TGFBR1: variants seen among roughly 807,000 people sequenced by gnomAD.
The protein encoded by TGFBR1 is transforming growth factor beta receptor 1, also known as TGF-beta receptor type-1.
Under a neutral mutation model 55.1 loss-of-function variants are expected in TGFBR1, and 20 were observed. The observed-to-expected ratio is 0.36, with a 90% CI of 0.26 to 0.53. The LOEUF (loss-of-function observed/expected upper bound fraction) is 0.53, where lower values mean the gene tolerates loss of function less well. Ranked by LOEUF, TGFBR1 falls within the 20% of genes least tolerant of loss-of-function variation. The pLI is 0.91. For missense variants in TGFBR1, 385 were observed against 617.6 expected (o/e 0.62, Z 3.99); for synonymous variants, 220 against 214.8 (o/e 1.02, Z -0.21).
chr9:99,137,719 T>C lies in TGFBR1; in HGVS notation c.575-140T>C. ...TTAATTAGTTATTTTATTGCAAATA[T>C]AATATCTCCCCAGTGAGATAAATTC... On this transcript the variant is annotated intron_variant, in intron 3 of 8. Transcript: ENST00000374994. 5 of 656,532 alleles carry C rather than the reference T, an allele frequency of 7.6e-6. No individual in the cohort carries two copies. The East Asian group carries it at 8.3e-5, about 11-fold the overall frequency. The allele number at this position is 656,532 out of a possible 1,614,324, so 40.7% of individuals were successfully genotyped here.
intron 6 of TGFBR1, among the ~76,000 whole-genome samples, chr9:99,145,411 C>G (rs1242156680): frequency 6.6e-6 from 1 of 152,188 alleles, no homozygotes; most frequent in Non-Finnish European, 1.5e-5. Flanking sequence ...CTGCCAGGGA[C>G]TGTCATAGCA....
rs141999292 is a variant in TGFBR1, at chr9:99,145,135, A to G, written c.1130+247A>G. On this transcript the variant is annotated intron_variant, in intron 6 of 8. Transcript: ENST00000374994. Reference sequence around the variant, plus strand: ...GCATGTTAATTATAATAACAGTAGTAACTAACGTTTATAGGGCACCTACTA... The same window carrying G: ...GCATGTTAATTATAATAACAGTAGTGACTAACGTTTATAGGGCACCTACTA... Among the ~76,000 whole-genome samples the G allele has an allele frequency of 4.5e-4, 69 of 152,350 alleles. No homozygotes were observed. The East Asian group carries it at 0.011, about 24-fold the overall frequency.
At chr9:99,121,409 A>T (rs944116259) in intron 1 of TGFBR1, among the ~76,000 whole-genome samples, 13 of 152,126 alleles carry the variant, frequency 8.5e-5, no homozygotes, top group Admixed American at 2.6e-4. Flanking sequence ...TAAAAAGAAA[A>T]GGAGAATCTA....
chr9:99,129,986 C>T (rs1295888973), intron 2 of TGFBR1, among the ~76,000 whole-genome samples: 3 of 152,090 alleles, frequency 2.0e-5, no homozygotes, highest in African/African-American at 4.8e-5. Flanking sequence ...TTTAAGATTC[C>T]GGTTTAATAT....
chr9:99,113,099 C>T (rs922792772), intron 1 of TGFBR1, among the ~76,000 whole-genome samples: 3 of 152,108 alleles, frequency 2.0e-5, no homozygotes, highest in South Asian at 2.1e-4. Flanking sequence ...CTATTTTTCC[C>T]CCACCTCTCT....
intron 8 of TGFBR1, 39 bp from the exon 9 acceptor site, chr9:99,149,141 G>A (rs1363675448): frequency 6.4e-6 from 10 of 1,551,588 alleles, no homozygotes; most frequent in Non-Finnish European, 8.7e-6. Context: ...AATGGAAAAT[G>A]GTGCATGCAT....
rs1827912129 is a variant in TGFBR1, at chr9:99,149,416, C to CTT, written c.*114_*115dup. Reference sequence around the variant, plus strand: ...AGAGGGAACAGAAGGATATTGCTTCCTTTTGCAGCAGTGTAATAAAGTCAA... The same window carrying CTT: ...AGAGGGAACAGAAGGATATTGCTTCCTTTTTTGCAGCAGTGTAATAAAGTCAA... On this transcript the variant is annotated 3_prime_UTR_variant, in exon 9 of 9. Transcript: ENST00000374994. 6.8e-7 allele frequency: 1 copy of CTT among 1,479,768 alleles called. No individual in the cohort carries two copies. Among genetic ancestry groups the CTT allele is most frequent in the East Asian group, 2.3e-5 (1 of 43,796 alleles). The allele number at this position is 1,479,768 out of a possible 1,614,324, so 91.7% of individuals were successfully genotyped here. A position where few individuals can be genotyped will look rare whatever the true frequency, so the allele number is the denominator to read the frequency against.
intron 8 of TGFBR1, among the ~76,000 whole-genome samples, chr9:99,148,341 A>T (rs1212014793): frequency 6.6e-6 from 1 of 152,244 alleles, no homozygotes; most frequent in Non-Finnish European, 1.5e-5. Context: ...GCTCAACTTC[A>T]GCTCTAACAA....
At chr9:99,113,634 G>A (rs1327468901) in intron 1 of TGFBR1, among the ~76,000 whole-genome samples, 1 of 152,180 alleles carries the variant, frequency 6.6e-6, no homozygotes, top group African/African-American at 2.4e-5. Flanking sequence ...TGAAGATAGT[G>A]TACAGTAGTA....
intron 1 of TGFBR1, among the ~76,000 whole-genome samples, chr9:99,107,175 T>C (rs571513069): frequency 2.6e-5 from 4 of 152,240 alleles, no homozygotes; most frequent in Non-Finnish European, 5.9e-5. Flanking sequence ...CAGGTGCTTA[T>C]TACTCTAAGC....
chr9:99,138,128 A>G lies in TGFBR1; in HGVS notation c.805+39A>G, dbSNP rs11568778. 0.026 allele frequency: 40,648 copies of G among 1,549,336 alleles called. 5,054 individuals are homozygous for G. The East Asian group carries it at 0.41, about 16-fold the overall frequency. On this transcript the variant is annotated intron_variant, in intron 4 of 8. Transcript: ENST00000374994. Reference sequence around the variant, plus strand: ...GCTTTTCCTTATGTTATATATAACAAGATCTCTTTAAGTCTTTACAGATAT... The same window carrying G: ...GCTTTTCCTTATGTTATATATAACAGGATCTCTTTAAGTCTTTACAGATAT...
At chr9:99,125,161 A>AAT (rs1827004630) in intron 1 of TGFBR1, among the ~76,000 whole-genome samples, 2 of 152,230 alleles carry the variant, frequency 1.3e-5, no homozygotes, top group African/African-American at 2.4e-5. Context: ...AGCTGTGAGT[A>AAT]GTGCCTCTTC....
chr9:99,152,012 T>C lies in TGFBR1; in HGVS notation c.*2707T>C, dbSNP rs201264579. 14 of 197,832 alleles carry C rather than the reference T, an allele frequency of 7.1e-5. No individual in the cohort carries two copies. Among genetic ancestry groups the C allele is most frequent in the Non-Finnish European group, 1.0e-5 (1 of 95,522 alleles). The allele number at this position is 197,832 out of a possible 1,614,324, so 12.3% of individuals were successfully genotyped here. A position where few individuals can be genotyped will look rare whatever the true frequency, so the allele number is the denominator to read the frequency against. On this transcript the variant is annotated 3_prime_UTR_variant, in exon 9 of 9. Transcript: ENST00000374994. ...AAATGGGGATGGGGGAAATACGACT[T>C]AGTGAGGCATAGACATCCCTGGTCC... is the stretch of plus-strand genomic sequence containing the variant.
chr9:99,126,987 C>G (rs1827061264), intron 1 of TGFBR1, among the ~76,000 whole-genome samples: 1 of 152,140 alleles, frequency 6.6e-6, no homozygotes. Flanking sequence ...GAGGGAGAAC[C>G]TGACATTCCT....
intron 1 of TGFBR1, among the ~76,000 whole-genome samples, chr9:99,121,077 G>T (rs1361690509): frequency 6.6e-6 from 1 of 152,188 alleles, no homozygotes; most frequent in African/African-American, 2.4e-5. Flanking sequence ...TGTGATGTGG[G>T]TTAAATGATA....
At chr9:99,112,351 G>A (rs1354425552) in intron 1 of TGFBR1, among the ~76,000 whole-genome samples, 1 of 152,156 alleles carries the variant, frequency 6.6e-6, no homozygotes, top group Non-Finnish European at 1.5e-5. Flanking sequence ...CCTCCTGCAA[G>A]TCTTTGCTCA....
chr9:99,106,241 G>A (rs895789185), intron 1 of TGFBR1, among the ~76,000 whole-genome samples: 1 of 152,222 alleles, frequency 6.6e-6, no homozygotes, highest in South Asian at 2.1e-4. Flanking sequence ...TTTCAAGGAA[G>A]ACTGTTGGCT....
intron 1 of TGFBR1, among the ~76,000 whole-genome samples, chr9:99,107,868 T>C (rs1188903691): frequency 2.0e-5 from 3 of 152,302 alleles, no homozygotes; most frequent in Non-Finnish European, 4.4e-5. Context: ...GTTTTGCCCC[T>C]TTTTTTGGGA....
chr9:99,128,627 T>C, intron 1 of TGFBR1: 1 of 664,016 alleles, frequency 1.5e-6, no homozygotes, highest in Non-Finnish European at 2.7e-6. Context: ...GGAAAAAACC[T>C]GGGTCCAAAT....
Sources: allele counts gnomAD v4.1 joint callset (sites outside exome capture counted in the v4.1 genomes callset), GRCh38; gene constraint gnomAD v4.1.1; transcripts MANE v1.5; gene names NCBI Gene and HGNC (gene_info 2026-07-23, HGNC 2026-07-21).